SYT7: variants seen among roughly 807,000 people sequenced by gnomAD.
SYT7 encodes synaptotagmin-7.
A neutral mutation model predicts 75.1 loss-of-function variants in SYT7; 29 were observed. The observed-to-expected ratio is 0.39, with a 90% CI of 0.29 to 0.53. The LOEUF (loss-of-function observed/expected upper bound fraction) is 0.53. Ranked by LOEUF, SYT7 falls within the 20% of genes least tolerant of loss-of-function variation. SYT7 has a pLI of 0.77. For missense variants in SYT7, 693 were observed against 953.2 expected, an observed-to-expected ratio of 0.73 and a Z score of 3.59; for synonymous variants, 376 against 401.7, an observed-to-expected ratio of 0.94 and a Z score of 0.76.
Position 61,546,089 on chromosome 11 carries a change from T to C in SYT7, c.514A>G (p.Arg172Gly), listed in dbSNP as rs2135268504. The C allele has an allele frequency of 6.5e-7, 1 of 1,530,010 alleles. No individual in the cohort carries two copies. The highest frequency in any genetic ancestry group is 1.2e-5 in the South Asian group (1 of 83,772). 94.8% of individuals were successfully genotyped at this position (1,530,010 alleles called of 1,614,324 possible). Residue 172 changes from arginine to glycine, a missense_variant, in exon 5 of 13, where the codon AGA becomes GGA. Physicochemically the swap from Arg to Gly is moderately radical, Grantham distance 125. Around this residue, in one of 2 missense-constraint regions of SYT7, gnomAD observed 487 missense variants for 593.2 expected, o/e 0.82. Transcript: ENST00000539008. This position sits in a 1 kb window ranked among gnomAD's most constrained non-coding sequence, Gnocchi z 7.6. The stretch of plus-strand genomic sequence containing the variant: ...CTCTGCACCGTCCGCCAGCGGCCTC[T>C]CCCCGCCTTGCCACCGCTGCCCGGC... ...SEPGSGGKAGRGRWRTVQSHL... is the reference protein window; with the variant it reads ...SEPGSGGKAGGGRWRTVQSHL...
chr11:61,562,986 G>A (rs1028812482), intron 1 of SYT7, among the ~76,000 whole-genome samples: 4 of 152,286 alleles, frequency 2.6e-5, no homozygotes, highest in African/African-American at 9.6e-5. Flanking sequence ...AGAGGGGAAC[G>A]GGAGGGGGTG....
chr11:61,577,911 T>G (rs2064128987), intron 1 of SYT7, among the ~76,000 whole-genome samples: 1 of 152,184 alleles, frequency 6.6e-6, no homozygotes, highest in Admixed American at 6.5e-5. Context: ...GCCTGCCCAC[T>G]GCAACGCTGA....
chr11:61,555,799 A>G (rs2063486885), intron 2 of SYT7, among the ~76,000 whole-genome samples: 1 of 151,648 alleles, frequency 6.6e-6, no homozygotes, highest in African/African-American at 2.4e-5. Flanking sequence ...GCGTGTGTGT[A>G]GCTGCTCGCG....
chr11:61,518,230 T>C lies in SYT7; in HGVS notation c.*397A>G, dbSNP rs148702966. 467 of 166,496 alleles carry C rather than the reference T, an allele frequency of 2.8e-3. 3 individuals are homozygous for C. Among genetic ancestry groups the C allele is most frequent in the Middle Eastern group, 8.0e-3 (3 of 374 alleles). 10.3% of individuals were successfully genotyped at this position (166,496 alleles called of 1,614,324 possible). ...TCAGCCTCCCCTCCCCGGGTCCACA[T>C]CGGGGGCTGGAGAGGGAGTGGCCTC... On this transcript the variant is annotated 3_prime_UTR_variant, in exon 13 of 13. Transcript: ENST00000539008.
intron 1 of SYT7, among the ~76,000 whole-genome samples, chr11:61,564,574 A>C (rs1565203965): frequency 6.6e-6 from 1 of 152,260 alleles, no homozygotes; most frequent in Non-Finnish European, 1.5e-5. Context: ...AGCCAGGATT[A>C]GACTGGAGGT....
At chr11:61,531,456 C>T (rs987074212) in intron 8 of SYT7, among the ~76,000 whole-genome samples, 5 of 151,328 alleles carry the variant, frequency 3.3e-5, no homozygotes, top group African/African-American at 4.9e-5. Context: ...GCCAGTCTTC[C>T]TGGGGGGGGG....
chr11:61,550,064 C>G (rs1436020570), intron 3 of SYT7, among the ~76,000 whole-genome samples: 1 of 152,176 alleles, frequency 6.6e-6, no homozygotes, highest in Non-Finnish European at 1.5e-5. Flanking sequence ...AAGCCCGGGC[C>G]TGCACTCTGC....
At position 61,580,943 on chromosome 11, in the gene SYT7, G is replaced by A; in HGVS notation, c.-123C>T. The A allele has an allele frequency of 2.0e-6, 2 of 1,006,284 alleles. No individual in the cohort carries two copies. Among genetic ancestry groups the A allele is most frequent in the East Asian group, 1.0e-4 (1 of 9,974 alleles). 62.3% of individuals were successfully genotyped at this position (1,006,284 alleles called of 1,614,324 possible). On this transcript the variant is annotated 5_prime_UTR_variant, in exon 1 of 13. Coordinates refer to ENST00000539008, the MANE Select transcript of SYT7 (RefSeq NM_001365809.2). The surrounding 1 kb of genome is among the most constrained non-coding windows in gnomAD (Gnocchi z 6.1). ...GGGGGCGGGTCCGAGGGCGGGGGCC[G>A]AGCGGGCTGCACCTAGCCGCGGAGC...
chr11:61,575,213 C>A (rs763351923), intron 1 of SYT7, among the ~76,000 whole-genome samples: 4 of 152,094 alleles, frequency 2.6e-5, no homozygotes, highest in Non-Finnish European at 5.9e-5. Context: ...GAACAGTCAC[C>A]CCCCTTTCTC....
Position 61,561,498 on chromosome 11 carries a change from C to G in SYT7, c.32-5291G>C, listed in dbSNP as rs143931312. Among the ~76,000 whole-genome samples, 281 of 152,234 alleles carry G rather than the reference C, an allele frequency of 1.8e-3. 2 individuals are homozygous for G. Among genetic ancestry groups the G allele is most frequent in the African/African-American group, 6.2e-3 (258 of 41,548 alleles). ...ACAGCCTATGCTCCTGGCCATGCCA[C>G]CCCCCAAGGAGATCTCAGGGTCAGG... On this transcript the variant is annotated intron_variant, in intron 1 of 12. Transcript: ENST00000539008.
At chr11:61,573,017 CAT>C (rs1221480847) in intron 1 of SYT7, among the ~76,000 whole-genome samples, 2 of 152,374 alleles carry the variant, frequency 1.3e-5, no homozygotes, top group East Asian at 3.9e-4. Flanking sequence ...AGTGGGAAGA[CAT>C]AACCAGGCCC....
chr11:61,522,977 G>A lies in SYT7; in HGVS notation c.1956+98C>T, dbSNP rs2062392627. On this transcript the variant is annotated intron_variant, in intron 12 of 12. Coordinates refer to ENST00000539008, the MANE Select transcript of SYT7 (RefSeq NM_001365809.2). ...GAGACTGATCCCAATCTCTCCTGGT[G>A]TCCAGCCTGTGCCCGTCCACTACCC... 5 of 1,236,754 alleles carry A rather than the reference G, an allele frequency of 4.0e-6. No homozygotes were observed. The Admixed American group carries it at 8.7e-5, about 21-fold the overall frequency. The allele number at this position is 1,236,754 out of a possible 1,614,324, so 76.6% of individuals were successfully genotyped here.
rs1257093688 is a variant in SYT7, at chr11:61,523,716, T to C, written c.1756+111A>G. ...GGAGTGAGGACTGGAGGTCGGGGTG[T>C]GGCGGGTTGGGGTGAGGACCACTGC... On this transcript the variant is annotated intron_variant, in intron 11 of 12. Coordinates refer to ENST00000539008, the MANE Select transcript of SYT7 (RefSeq NM_001365809.2). This position sits in a 1 kb window ranked among gnomAD's most constrained non-coding sequence, Gnocchi z 5.0. 1 of 1,110,340 alleles carries C rather than the reference T, an allele frequency of 9.0e-7. No homozygotes were observed. The highest frequency in any genetic ancestry group is 1.3e-6 in the Non-Finnish European group (1 of 759,038). 68.8% of individuals were successfully genotyped at this position (1,110,340 alleles called of 1,614,324 possible).
intron 1 of SYT7, among the ~76,000 whole-genome samples, chr11:61,566,880 C>T (rs542018011): frequency 1.3e-5 from 2 of 152,330 alleles, no homozygotes; most frequent in Non-Finnish European, 2.9e-5. Context: ...GCTGATGACT[C>T]AACTTTATCT....
intron 9 of SYT7, chr11:61,526,426 T>C (rs1362715560): frequency 6.6e-6 from 1 of 152,174 alleles, no homozygotes; most frequent in African/African-American, 2.4e-5. Context: ...TCAGAACCCA[T>C]TTTGAATGGC....
rs751283204 is a variant in SYT7, at chr11:61,546,155, C to T, written c.448G>A (p.Gly150Arg). The T allele has an allele frequency of 2.9e-5, 44 of 1,526,410 alleles. No homozygotes were observed. The highest frequency in any genetic ancestry group is 3.6e-4 in the Middle Eastern group (2 of 5,528). The allele number at this position is 1,526,410 out of a possible 1,614,324, so 94.6% of individuals were successfully genotyped here. A position where few individuals can be genotyped will look rare whatever the true frequency, so the allele number is the denominator to read the frequency against. The change falls in exon 5 of 13, where the codon GGA (glycine) becomes AGA (arginine). Residue 150 changes from glycine to arginine, a missense_variant. Physicochemically the swap from Gly to Arg is moderately radical, Grantham distance 125 (BLOSUM62 -2). Transcript: ENST00000539008. This position sits in a 1 kb window ranked among gnomAD's most constrained non-coding sequence, Gnocchi z 7.6. Reference protein sequence around the residue: ...GEKPAPVPPPGEDALRSGGAA... With the variant: ...GEKPAPVPPPREDALRSGGAA... Reference sequence around the variant, plus strand: ...CCGCCGCTTCTCAAGGCGTCCTCTCCGGGTGGCGGCACCGGTGCCGGCTTC... The same window carrying T: ...CCGCCGCTTCTCAAGGCGTCCTCTCTGGGTGGCGGCACCGGTGCCGGCTTC...
At chr11:61,559,139 A>C (rs1207105810) in intron 1 of SYT7, among the ~76,000 whole-genome samples, 1 of 152,210 alleles carries the variant, frequency 6.6e-6, no homozygotes, top group African/African-American at 2.4e-5. Flanking sequence ...ATAGATGGGT[A>C]GTATTAGTAT....
rs529648936 is a variant in SYT7 at position 61,574,191 on chromosome 11, A to G, written c.31+6599T>C. Among the ~76,000 whole-genome samples, 4 of 152,320 alleles carry G rather than the reference A, an allele frequency of 2.6e-5. No individual in the cohort carries two copies. The East Asian group carries it at 7.7e-4, about 29-fold the overall frequency. On this transcript the variant is annotated intron_variant, in intron 1 of 12. Coordinates refer to ENST00000539008, the MANE Select transcript of SYT7 (RefSeq NM_001365809.2). ...AGCTACCGCTGGCTGAGTGTTTACTATGGGCTGGCTCTCTGCTAAATACTT... is the reference window on the plus strand; with the variant it reads ...AGCTACCGCTGGCTGAGTGTTTACTGTGGGCTGGCTCTCTGCTAAATACTT...
intron 6 of SYT7, among the ~76,000 whole-genome samples, chr11:61,538,826 G>A (rs1394245595): frequency 6.6e-6 from 1 of 152,198 alleles, no homozygotes; most frequent in African/African-American, 2.4e-5. Context: ...GAAATCCAGT[G>A]GGCGCTGCAC....
Sources: gnomAD v4.1 joint callset for allele counts (sites outside exome capture counted in the v4.1 genomes callset) on GRCh38, gnomAD v4.1.1 for gene constraint, gnomAD v4.1.1 regional missense constraint, Gnocchi (gnomAD v3.1) non-coding constraint, MANE v1.5 for transcripts, NCBI Gene and HGNC (gene_info 2026-07-23, HGNC 2026-07-21) for gene names.